The following IL34 variants were observed in gnomAD, a reference collection of about 807,000 sequenced individuals.
The protein encoded by IL34 is interleukin 34, also known as interleukin-34.
In IL34, 17 loss-of-function variants were observed where a neutral mutation model predicts 25.3. The ratio of observed to expected loss-of-function variants is 0.67; its 90% CI spans 0.46 to 1.01. The LOEUF (loss-of-function observed/expected upper bound fraction) is 1.01, where lower values mean the gene tolerates loss of function less well. Among genes scored for constraint, IL34 ranks in the 50% least tolerant of loss-of-function variants. The pLI is 0.00. For synonymous variants in IL34, 174 were observed against 140.9 expected (o/e 1.23, Z -1.66); for missense variants, 368 against 312.9 (o/e 1.18, Z -1.33).
intron 1 of IL34, among the ~76,000 whole-genome samples, chr16:70,652,239 T>A (rs1326917524): frequency 1.3e-5 from 2 of 152,090 alleles, no homozygotes; most frequent in African/African-American, 4.8e-5. Flanking sequence ...GAGCATCACT[T>A]GAGCATAGGA....
chr16:70,623,425 A>T (rs1408844175), intron 1 of IL34, among the ~76,000 whole-genome samples: 1 of 152,010 alleles, frequency 6.6e-6, no homozygotes, highest in African/African-American at 2.4e-5. Flanking sequence ...TGGTTTTAGG[A>T]CAGGCAAAAT....
intron 1 of IL34, among the ~76,000 whole-genome samples, chr16:70,637,512 AT>A (rs1269107971): frequency 3.7e-5 from 5 of 135,948 alleles, no homozygotes; most frequent in Non-Finnish European, 8.4e-5. Context: ...GGCCCGGCTA[AT>A]TTTATATTTT....
chr16:70,619,060 G>A (rs2051221976), intron 1 of IL34, among the ~76,000 whole-genome samples: 1 of 152,190 alleles, frequency 6.6e-6, no homozygotes, highest in Non-Finnish European at 1.5e-5. Flanking sequence ...GGTTGATAAG[G>A]CATAGATCCT....
At chr16:70,635,971 C>A (rs2051633047) in intron 1 of IL34, among the ~76,000 whole-genome samples, 1 of 151,416 alleles carries the variant, frequency 6.6e-6, no homozygotes, top group African/African-American at 2.4e-5. Context: ...CCTCACCTTG[C>A]CCAAGGCAAG....
At chr16:70,651,609 G>A (rs760971771) in intron 1 of IL34, among the ~76,000 whole-genome samples, 6 of 152,126 alleles carry the variant, frequency 3.9e-5, no homozygotes, top group Non-Finnish European at 8.8e-5. Flanking sequence ...AAGGCAGTGG[G>A]GAGGTAGCAA....
intron 1 of IL34, among the ~76,000 whole-genome samples, chr16:70,601,607 C>T (rs1221992783): frequency 6.6e-6 from 1 of 151,980 alleles, no homozygotes; most frequent in Admixed American, 6.6e-5. Context: ...GCCATGTTGC[C>T]CAGGCTGGTC....
At chr16:70,632,975 A>G (rs900626800) in intron 1 of IL34, among the ~76,000 whole-genome samples, 4 of 137,980 alleles carry the variant, frequency 2.9e-5, no homozygotes, top group Admixed American at 7.0e-5. Context: ...TTATCAGGAC[A>G]TATTTTTTTT....
chr16:70,625,411 C>G (rs950417596), intron 1 of IL34, among the ~76,000 whole-genome samples: 1 of 152,068 alleles, frequency 6.6e-6, no homozygotes, highest in East Asian at 1.9e-4. Context: ...ATTGGGGGTT[C>G]TTGCCCCCTA....
chr16:70,629,231 G>T (rs925124852), intron 1 of IL34, among the ~76,000 whole-genome samples: 1 of 152,112 alleles, frequency 6.6e-6, no homozygotes, highest in African/African-American at 2.4e-5. Flanking sequence ...ATTACCTTCT[G>T]TGTAATGGTA....
chr16:70,628,282 A>G (rs1042570379), intron 1 of IL34, among the ~76,000 whole-genome samples: 1 of 152,138 alleles, frequency 6.6e-6, no homozygotes, highest in East Asian at 1.9e-4. Context: ...TATGATGTTA[A>G]ATCTTCCCAT....
At chr16:70,584,075 G>A (rs959741874) in intron 1 of IL34, among the ~76,000 whole-genome samples, 2 of 152,206 alleles carry the variant, frequency 1.3e-5, no homozygotes, top group African/African-American at 2.4e-5. Flanking sequence ...TGACCCAGCC[G>A]TAGGAGGGAG....
In IL34 at chr16:70,615,234, T is replaced by C. The variant is rs534272762; in HGVS notation, c.-400-31314T>C. The stretch of plus-strand genomic sequence containing the variant: ...TTCTTTTAAAGATACACTGGCCAGG[T>C]GTGGTGGCTCACGCCTGTAATCCCA... On this transcript the variant is annotated intron_variant, in intron 1 of 6. Transcript: ENST00000429149. 2.0e-5 allele frequency among the ~76,000 whole-genome samples: 3 copies of C among 152,266 alleles called. No homozygotes were observed. In the East Asian group the frequency reaches 5.8e-4, roughly 29 times the overall value.
At chr16:70,651,817 T>C (rs1405715381) in intron 1 of IL34, among the ~76,000 whole-genome samples, 3 of 151,350 alleles carry the variant, frequency 2.0e-5, no homozygotes, top group Non-Finnish European at 2.9e-5. Context: ...ATAATACATA[T>C]GGATTATAGA....
chr16:70,639,939 C>A (rs2051742573), intron 1 of IL34, among the ~76,000 whole-genome samples: 1 of 151,586 alleles, frequency 6.6e-6, no homozygotes, highest in South Asian at 2.1e-4. Flanking sequence ...GCCTGGGTGA[C>A]AAAGGGAGAC....
Position 70,655,146 on chromosome 16 carries a change from C to T in IL34, c.162+475C>T, listed in dbSNP as rs369260918. 6.6e-4 allele frequency among the ~76,000 whole-genome samples: 100 copies of T among 151,198 alleles called. 1 individual carries two copies. Among genetic ancestry groups the T allele is most frequent in the Admixed American group, 2.3e-3 (35 of 15,158 alleles). ...TGGCTCACTGCAACCTCCACCTCCC[C>T]GGTTCCAGTGATTCTCCTGCCTCAG... On this transcript the variant is annotated intron_variant, in intron 2 of 5. Coordinates refer to ENST00000288098, the MANE Select transcript of IL34 (RefSeq NM_001393494.1).
chr16:70,647,053 C>T, intron 1 of IL34, 78 bp downstream of exon 1: 2 of 1,246,236 alleles, frequency 1.6e-6, no homozygotes, highest in Non-Finnish European at 2.1e-6. Flanking sequence ...ACCATAGCAA[C>T]CAGGGCATTC....
chr16:70,655,417 C>G (rs759500781), intron 2 of IL34, among the ~76,000 whole-genome samples: 2 of 150,368 alleles, frequency 1.3e-5, no homozygotes, highest in Non-Finnish European at 3.0e-5. Context: ...GAGACAGGGT[C>G]TTGCTCTGTT....
At chr16:70,641,193 G>T (rs925675105) in intron 1 of IL34, among the ~76,000 whole-genome samples, 2 of 152,002 alleles carry the variant, frequency 1.3e-5, no homozygotes, top group African/African-American at 4.8e-5. Flanking sequence ...GAATCACTTG[G>T]ACCTGGGAGG....
At chr16:70,645,038 G>A (rs916306613), upstream of IL34, among the ~76,000 whole-genome samples, 1 of 148,846 alleles carries the variant, frequency 6.7e-6, no homozygotes, top group Non-Finnish European at 1.5e-5. Flanking sequence ...AAAAAGGAAG[G>A]AGGACGAGGA....
Sources: gnomAD v4.1 joint callset for allele counts (sites outside exome capture counted in the v4.1 genomes callset) on GRCh38, gnomAD v4.1.1 for gene constraint, MANE v1.5 for transcripts, NCBI Gene and HGNC (gene_info 2026-07-23, HGNC 2026-07-21) for gene names.